Variants in BPIFB4 observed in about 807,000 individuals in gnomAD.
BPIFB4 encodes BPI fold-containing family B member 4.
In BPIFB4, 62 loss-of-function variants were observed where a neutral mutation model predicts 69.2. The ratio of observed to expected loss-of-function variants is 0.90; its 90% CI spans 0.73 to 1.11. The LOEUF is 1.11. Among genes scored for constraint, BPIFB4 ranks in the 50% least tolerant of loss-of-function variants. The pLI, the probability that BPIFB4 is intolerant of heterozygous loss-of-function variation, is 0.00. For synonymous variants in BPIFB4, 330 were observed against 332.7 expected (o/e 0.99, Z 0.09); for missense variants, 789 against 792.0 (o/e 1.00, Z 0.04).
intron 16 of BPIFB4, 32 bp downstream of exon 16, chr20:33,104,905 C>T: frequency 1.2e-6 from 2 of 1,605,932 alleles, no homozygotes; most frequent in Non-Finnish European, 1.7e-6. Flanking sequence ...TCTCTGGGAG[C>T]TTGTGGCTTG....
chr20:33,081,666 T>A (rs1459896331), intron 3 of BPIFB4, 34 bp downstream of exon 3: 3 of 1,550,258 alleles, frequency 1.9e-6, no homozygotes, highest in South Asian at 1.2e-5. Context: ...AGGGTTGGCA[T>A]GGGGTGAGCA....
intron 7 of BPIFB4, among the ~76,000 whole-genome samples, chr20:33,087,717 AAC>A (rs1555882746): frequency 0.2 from 11,558 of 59,178 alleles, 553 homozygotes; most frequent in Middle Eastern, 0.28. Flanking sequence ...CTATCCCCTC[AAC>A]ACACACACAC....
At chr20:33,093,225 A>C in intron 11 of BPIFB4, among the ~76,000 whole-genome samples, 1 of 150,074 alleles carries the variant, frequency 6.7e-6, no homozygotes, top group Admixed American at 6.6e-5. Context: ...CTACCCACCC[A>C]CTCCTCCACC....
intron 9 of BPIFB4, among the ~76,000 whole-genome samples, chr20:33,090,031 T>C (rs964145013): frequency 1.3e-5 from 2 of 152,218 alleles, no homozygotes; most frequent in African/African-American, 4.8e-5. Context: ...TCTCGGACCC[T>C]GATTTCTGAG....
intron 14 of BPIFB4, among the ~76,000 whole-genome samples, chr20:33,102,622 T>C (rs1222559217): frequency 6.6e-6 from 1 of 152,244 alleles, no homozygotes; most frequent in Non-Finnish European, 1.5e-5. Flanking sequence ...GGCAGGGCTC[T>C]GGAGCAGCGC....
At chr20:33,082,804 C>A in intron 3 of BPIFB4, 134 bp from the exon 4 acceptor site, 2 of 840,320 alleles carry the variant, frequency 2.4e-6, no homozygotes, top group Non-Finnish European at 4.0e-6. Context: ...GAGAAGTCAT[C>A]CCGTTCAGCC....
intron 1 of BPIFB4, among the ~76,000 whole-genome samples, chr20:33,079,994 C>G (rs997895506): frequency 5.9e-5 from 9 of 152,210 alleles, no homozygotes; most frequent in African/African-American, 2.2e-4. Context: ...TTGCTGATGC[C>G]AGAAATCTTC....
chr20:33,088,932 G>T lies in BPIFB4; in HGVS notation c.927-34G>T, dbSNP rs752595746. ...GCCTTGGTGAGCCCCACATGGCTGC[G>T]AGCCTTGACCTCATCCTGCTCCTGT... is the stretch of plus-strand genomic sequence containing the variant. On this transcript the variant is annotated intron_variant, in intron 7 of 17. Transcript: ENST00000375483. The T allele has an allele frequency of 1.2e-5, 19 of 1,612,926 alleles. No homozygotes were observed. The Admixed American group carries it at 1.3e-4, about 11-fold the overall frequency.
Position 33,111,484 on chromosome 20 carries a change from G to A in BPIFB4, c.*47G>A, listed in dbSNP as rs184868910. On this transcript the variant is annotated 3_prime_UTR_variant, in exon 18 of 18. Coordinates refer to ENST00000375483, the MANE Select transcript of BPIFB4 (RefSeq NM_182519.3). ...CTGCAACTGGAAGAAGCTGGAACCAGTCCCAGAGAGGCTCGGCCTGGAAAC... is the reference window on the plus strand; with the variant it reads ...CTGCAACTGGAAGAAGCTGGAACCAATCCCAGAGAGGCTCGGCCTGGAAAC... 3.5e-5 allele frequency: 56 copies of A among 1,611,950 alleles called. No homozygotes were observed. The highest frequency in any genetic ancestry group is 3.3e-4 in the Middle Eastern group (2 of 6,048).
intron 17 of BPIFB4, among the ~76,000 whole-genome samples, chr20:33,110,072 A>C (rs1982192499): frequency 6.6e-6 from 1 of 152,180 alleles, no homozygotes; most frequent in Non-Finnish European, 1.5e-5. Flanking sequence ...CCAGAAATTA[A>C]CATTGGTACA....
chr20:33,105,098 G>A (rs757860848), intron 16 of BPIFB4, among the ~76,000 whole-genome samples: 3 of 151,802 alleles, frequency 2.0e-5, no homozygotes, highest in Non-Finnish European at 4.4e-5. Flanking sequence ...TTATTTTTCT[G>A]ATTATCTATG....
intron 10 of BPIFB4, 115 bp downstream of exon 10, chr20:33,090,914 C>G: frequency 7.9e-7 from 1 of 1,266,008 alleles, no homozygotes; most frequent in Non-Finnish European, 1.1e-6. Context: ...CTTGACAGGA[C>G]CCTCTCGATT....
At chr20:33,082,235 C>CGAGGT (rs1981253093) in intron 3 of BPIFB4, among the ~76,000 whole-genome samples, 1 of 152,224 alleles carries the variant, frequency 6.6e-6, no homozygotes, top group Non-Finnish European at 1.5e-5. Flanking sequence ...CTGAGTACCT[C>CGAGGT]ACAGGCCTCA....
rs1248774700 is a variant in BPIFB4, at chr20:33,107,754, T to C, written c.1755T>C (p.Gly585=). ...TTTTTTATTTTACAGCTGTGCTGGG[T>C]TCTGGCGTCCCTCTCCCCAAAATCC... ...AFMPAMNAVL[G]SGVPLPKILN... is the part of the protein sequence containing the mutation. The change falls in exon 17 of 18, where the codon GGT becomes GGC. Residue 585 remains glycine, a synonymous_variant. Coordinates refer to ENST00000375483, the MANE Select transcript of BPIFB4 (RefSeq NM_182519.3). The C allele has an allele frequency of 6.2e-7, 1 of 1,613,918 alleles. No homozygotes were observed. Among genetic ancestry groups the C allele is most frequent in the African/African-American group, 1.3e-5 (1 of 74,948 alleles).
chr20:33,108,511 T>C (rs1982142445), intron 17 of BPIFB4, among the ~76,000 whole-genome samples: 1 of 151,256 alleles, frequency 6.6e-6, no homozygotes, highest in Non-Finnish European at 1.5e-5. Context: ...TGAAGTTTTA[T>C]TTTTAAACAT....
At chr20:33,080,899 G>C (rs1281371046) in intron 2 of BPIFB4, among the ~76,000 whole-genome samples, 1 of 152,070 alleles carries the variant, frequency 6.6e-6, no homozygotes, top group Non-Finnish European at 1.5e-5. Flanking sequence ...TGGGATGGGT[G>C]GACAGATTAA....
At chr20:33,109,989 A>T (rs1029753708) in intron 17 of BPIFB4, among the ~76,000 whole-genome samples, 12 of 152,242 alleles carry the variant, frequency 7.9e-5, no homozygotes, top group Non-Finnish European at 1.8e-4. Context: ...TAGTACAGAC[A>T]GTTCCAGAAT....
At chr20:33,098,931 C>T (rs936899454) in intron 13 of BPIFB4, among the ~76,000 whole-genome samples, 6 of 151,890 alleles carry the variant, frequency 4.0e-5, no homozygotes, top group African/African-American at 7.3e-5. Flanking sequence ...GATGCTGTTC[C>T]CTCTGCCTGG....
intron 12 of BPIFB4, among the ~76,000 whole-genome samples, 161 bp downstream of exon 12, chr20:33,095,314 C>T (rs376630562): frequency 7.8e-4 from 119 of 152,272 alleles, no homozygotes; most frequent in African/African-American, 2.8e-3. Flanking sequence ...AGGCTAGACC[C>T]CCATGGGTGG....
Sources: gnomAD v4.1 joint callset for allele counts (sites outside exome capture counted in the v4.1 genomes callset) on GRCh38, gnomAD v4.1.1 for gene constraint, MANE v1.5 for transcripts, NCBI Gene and HGNC (gene_info 2026-07-23, HGNC 2026-07-21) for gene names.